The following HERC4 variants were observed in gnomAD, a reference collection of about 807,000 sequenced individuals.
HERC4 encodes probable E3 ubiquitin-protein ligase HERC4.
A neutral mutation model predicts 124.3 loss-of-function variants in HERC4; 28 were observed. The ratio of observed to expected loss-of-function variants is 0.23; its 90% CI spans 0.17 to 0.31. The LOEUF (loss-of-function observed/expected upper bound fraction) is 0.31, where lower values mean the gene tolerates loss of function less well. HERC4 is among the 10% of genes least tolerant of loss of function. The pLI, the probability that HERC4 is intolerant of heterozygous loss-of-function variation, is 1.00. For synonymous variants in HERC4, 407 were observed against 421.5 expected (o/e 0.97, Z 0.42); for missense variants, 713 against 1,229.3 (o/e 0.58, Z 6.28).
intron 19 of HERC4, among the ~76,000 whole-genome samples, chr10:67,951,849 G>A (rs996248583): frequency 2.6e-5 from 4 of 151,948 alleles, no homozygotes; most frequent in African/African-American, 7.3e-5. Context: ...ACAAACTTTG[G>A]CACTATCTTA....
At chr10:68,036,274 T>C (rs1007359432) in intron 5 of HERC4, among the ~76,000 whole-genome samples, 9 of 148,290 alleles carry the variant, frequency 6.1e-5, no homozygotes, top group African/African-American at 2.3e-4. Flanking sequence ...GCCGAGATCA[T>C]GCCACTGCAC....
At chr10:68,059,463 ATAT>A (rs1298755733) in intron 3 of HERC4, among the ~76,000 whole-genome samples, 19 of 129,552 alleles carry the variant, frequency 1.5e-4, no homozygotes, top group African/African-American at 4.5e-4. Context: ...TATTATAATA[ATAT>A]TATATATTAT....
intron 15 of HERC4, among the ~76,000 whole-genome samples, chr10:67,972,009 T>A (rs1038630571): frequency 6.7e-6 from 1 of 148,510 alleles, no homozygotes. Flanking sequence ...AGTTCAGGAG[T>A]TTGAGACCAG....
At chr10:68,015,785 C>A (rs2038225742) in intron 8 of HERC4, among the ~76,000 whole-genome samples, 1 of 152,136 alleles carries the variant, frequency 6.6e-6, no homozygotes, top group South Asian at 2.1e-4. Context: ...ATATTTGAAT[C>A]ATCTTGGGGT....
At chr10:67,923,257 T>C (rs2030431773) in intron 24 of HERC4, 118 bp from the exon 25 acceptor site, 6 of 673,116 alleles carry the variant, frequency 8.9e-6, no homozygotes, top group African/African-American at 1.8e-5. Context: ...TAACGTGTTA[T>C]CTTACTTCCT....
At chr10:67,991,815 T>A (rs2036567107) in intron 11 of HERC4, among the ~76,000 whole-genome samples, 1 of 152,208 alleles carries the variant, frequency 6.6e-6, no homozygotes, top group Admixed American at 6.5e-5. Flanking sequence ...ACATTAAATA[T>A]TTTATGTTAT....
chr10:68,022,333 C>T (rs2038674260), intron 8 of HERC4, among the ~76,000 whole-genome samples: 1 of 151,970 alleles, frequency 6.6e-6, no homozygotes, highest in Admixed American at 6.6e-5. Flanking sequence ...AACCCCATCT[C>T]TACTAAAAAC....
intron 3 of HERC4, chr10:68,070,207 A>G: frequency 1.3e-5 from 13 of 984,488 alleles, no homozygotes; most frequent in Non-Finnish European, 1.4e-5. Context: ...AAATTCACAA[A>G]TTTAAAAAGG....
chr10:67,959,113 C>T, intron 16 of HERC4: 1 of 1,595,568 alleles, frequency 6.3e-7, no homozygotes, highest in Non-Finnish European at 8.5e-7. Context: ...CCAAACTTAC[C>T]TCAGTTAATC....
chr10:68,049,810 T>C (rs758440317), intron 3 of HERC4, among the ~76,000 whole-genome samples: 13 of 151,820 alleles, frequency 8.6e-5, no homozygotes, highest in Admixed American at 1.3e-4. Flanking sequence ...ACTCAGGGAA[T>C]TGAGGTGGGA....
intron 19 of HERC4, among the ~76,000 whole-genome samples, chr10:67,944,253 T>G (rs2033149843): frequency 6.6e-6 from 1 of 152,184 alleles, no homozygotes; most frequent in African/African-American, 2.4e-5. Context: ...GAGCTCAGCA[T>G]AGAAAGACTC....
chr10:68,054,086 C>T (rs2040438105), intron 3 of HERC4, among the ~76,000 whole-genome samples: 1 of 152,160 alleles, frequency 6.6e-6, no homozygotes, highest in African/African-American at 2.4e-5. Flanking sequence ...TTCCCCTTCT[C>T]TTCTCTCTGA....
intron 22 of HERC4, 53 bp from the exon 23 acceptor site, chr10:67,932,833 T>C (rs2031968040): frequency 6.8e-7 from 1 of 1,471,686 alleles, no homozygotes; most frequent in African/African-American, 1.5e-5. Flanking sequence ...GTATGAAGAA[T>C]CCATAATGTA....
At chr10:68,040,338 C>T in intron 4 of HERC4, 14 of 951,730 alleles carry the variant, frequency 1.5e-5, no homozygotes, top group Non-Finnish European at 1.6e-5. Flanking sequence ...TATCCCCTTT[C>T]ATCTTCATAT....
At chr10:67,940,249 T>A (rs879558217) in intron 20 of HERC4, among the ~76,000 whole-genome samples, 31 of 152,222 alleles carry the variant, frequency 2.0e-4, no homozygotes, top group Non-Finnish European at 4.1e-4. Flanking sequence ...TTATATAAAA[T>A]TTTTAATGCA....
chr10:67,981,414 T>C (rs990543841), intron 15 of HERC4, among the ~76,000 whole-genome samples: 7 of 152,170 alleles, frequency 4.6e-5, no homozygotes, highest in East Asian at 1.9e-4. Flanking sequence ...AAGAGAGAAA[T>C]AGACCTCAGT....
chr10:68,010,964 C>G, intron 9 of HERC4: 1 of 926,884 alleles, frequency 1.1e-6, no homozygotes, highest in South Asian at 1.4e-5. Context: ...TTATTTCCAC[C>G]ATATCTATAG....
chr10:67,934,345 A>T (rs1396985613), intron 22 of HERC4, among the ~76,000 whole-genome samples: 1 of 152,334 alleles, frequency 6.6e-6, no homozygotes, highest in Non-Finnish European at 1.5e-5. Flanking sequence ...CTCCAAAAGA[A>T]ATATCCATTT....
intron 8 of HERC4, among the ~76,000 whole-genome samples, chr10:68,024,650 G>T (rs572152337): frequency 6.6e-5 from 10 of 152,312 alleles, no homozygotes; most frequent in Admixed American, 2.0e-4. Flanking sequence ...TACTTACAGT[G>T]TGATTACATG....
Sources: gnomAD v4.1 joint callset for allele counts (sites outside exome capture counted in the v4.1 genomes callset) on GRCh38, gnomAD v4.1.1 for gene constraint, MANE v1.5 for transcripts, NCBI Gene and HGNC (gene_info 2026-07-23, HGNC 2026-07-21) for gene names.